Variants in WAC observed in about 807,000 individuals in gnomAD.
WAC encodes WW domain-containing adapter protein with coiled-coil.
Under a neutral mutation model 79.6 loss-of-function variants are expected in WAC, and 11 were observed. The ratio of observed to expected loss-of-function variants is 0.14; its 90% CI spans 0.09 to 0.23. WAC has a LOEUF of 0.23. Among genes scored for constraint, WAC ranks in the 10% least tolerant of loss-of-function variants. The pLI, the probability that WAC is intolerant of heterozygous loss-of-function variation, is 1.00. For missense variants in WAC, 728 were observed against 773.5 expected (o/e 0.94, Z 0.70); for synonymous variants, 304 against 276.9 (o/e 1.10, Z -0.97).
chr10:28,581,440 G>A (rs1443746986), intron 3 of WAC, among the ~76,000 whole-genome samples: 2 of 151,934 alleles, frequency 1.3e-5, no homozygotes, highest in East Asian at 3.9e-4. Context: ...CCCTCTGGAA[G>A]TCTAGATTCC....
At chr10:28,566,583 G>C (rs1213952536) in intron 3 of WAC, among the ~76,000 whole-genome samples, 1 of 152,154 alleles carries the variant, frequency 6.6e-6, no homozygotes, top group Non-Finnish European at 1.5e-5. Flanking sequence ...GTGTATTCGA[G>C]AATGTCTTCC....
chr10:28,560,141 A>C (rs1838222288), intron 3 of WAC, among the ~76,000 whole-genome samples: 1 of 152,174 alleles, frequency 6.6e-6, no homozygotes, highest in Non-Finnish European at 1.5e-5. Flanking sequence ...CAGGAGTTCG[A>C]GACCAGGCTA....
At chr10:28,603,953 GTATGTATGT>G (rs1840779650) in intron 7 of WAC, among the ~76,000 whole-genome samples, 1 of 3,810 alleles carries the variant, frequency 2.6e-4, no homozygotes, top group Non-Finnish European at 3.9e-4. Flanking sequence ...ATATATATAT[GTATGTATGT>G]ATATATATAT....
At chr10:28,544,176 C>A (rs1837224917) in intron 3 of WAC, among the ~76,000 whole-genome samples, 1 of 152,188 alleles carries the variant, frequency 6.6e-6, no homozygotes, top group Admixed American at 6.5e-5. Context: ...AGTCACTGAG[C>A]CCACTTCTTT....
At chr10:28,607,221 C>T (rs1841002963) in intron 7 of WAC, among the ~76,000 whole-genome samples, 1 of 152,138 alleles carries the variant, frequency 6.6e-6, no homozygotes, top group South Asian at 2.1e-4. Flanking sequence ...GGATACCTTT[C>T]TGTGTTTTCC....
At chr10:28,592,067 C>T (rs905623740) in intron 6 of WAC, among the ~76,000 whole-genome samples, 3 of 151,920 alleles carry the variant, frequency 2.0e-5, no homozygotes, top group Non-Finnish European at 4.4e-5. Context: ...CATACATCTG[C>T]AGGATTAAGT....
intron 3 of WAC, among the ~76,000 whole-genome samples, chr10:28,540,350 C>T (rs924095642): frequency 6.6e-6 from 1 of 152,142 alleles, no homozygotes; most frequent in African/African-American, 2.4e-5. Context: ...GTATTGAAAG[C>T]TTATTTGGTG....
At chr10:28,541,424 T>TTTTG (rs1837034877) in intron 3 of WAC, among the ~76,000 whole-genome samples, 1 of 136,948 alleles carries the variant, frequency 7.3e-6, no homozygotes, top group Non-Finnish European at 1.6e-5. Flanking sequence ...TGTTTTGTTT[T>TTTTG]TTTTTTTTTT....
At chr10:28,578,493 T>C (rs935421199) in intron 3 of WAC, among the ~76,000 whole-genome samples, 4 of 152,186 alleles carry the variant, frequency 2.6e-5, no homozygotes, top group African/African-American at 9.7e-5. Flanking sequence ...CTGAGTAGAC[T>C]GAAAACTGTT....
intron 3 of WAC, among the ~76,000 whole-genome samples, chr10:28,578,919 G>A (rs1045590367): frequency 1.1e-4 from 17 of 152,072 alleles, no homozygotes; most frequent in Admixed American, 9.2e-4. Flanking sequence ...AATTTGCCCT[G>A]GCTAAGCACT....
At position 28,533,512 on chromosome 10, in the gene WAC, T is replaced by A; in HGVS notation, c.-68T>A. 3.6e-6 allele frequency: 4 copies of A among 1,102,370 alleles called. No homozygotes were observed. The highest frequency in any genetic ancestry group is 4.6e-6 in the Non-Finnish European group (4 of 877,866). The allele number at this position is 1,102,370 out of a possible 1,614,324, so 68.3% of individuals were successfully genotyped here. Reference sequence around the variant, plus strand: ...CCCGCCGCCCGCCGCCGCCGCCGCCTGCGCGCCCGCCCGCCTTTCGCGGCC... The same window carrying A: ...CCCGCCGCCCGCCGCCGCCGCCGCCAGCGCGCCCGCCCGCCTTTCGCGGCC... On this transcript the variant is annotated 5_prime_UTR_variant, in exon 1 of 14. Transcript: ENST00000354911.
rs561421886 is a variant in WAC, at chr10:28,622,201, A to C, written c.*2595A>C. On this transcript the variant is annotated 3_prime_UTR_variant, in exon 14 of 14. Transcript: ENST00000354911. ...CAGTAGTGAATTTTTAAACACAGAA[A>C]ATCTAAAATTTTGTGGAAATATTTT... is the stretch of plus-strand genomic sequence containing the variant. 1 of 152,214 alleles carries C rather than the reference A, an allele frequency of 6.6e-6. No individual in the cohort carries two copies. Among genetic ancestry groups the C allele is most frequent in the East Asian group, 1.9e-4 (1 of 5,176 alleles). The allele number at this position is 152,214 out of a possible 1,614,324, so 9.4% of individuals were successfully genotyped here. A position where few individuals can be genotyped will look rare whatever the true frequency, so the allele number is the denominator to read the frequency against.
intron 6 of WAC, 27 bp downstream of exon 6, chr10:28,590,859 A>T: frequency 6.5e-7 from 1 of 1,539,776 alleles, no homozygotes; most frequent in Non-Finnish European, 8.9e-7. Flanking sequence ...TTTCTTTGAA[A>T]TGTATGTTTG....
At chr10:28,615,736 C>G (rs1482900943) in intron 11 of WAC, 1 of 154,542 alleles carries the variant, frequency 6.5e-6, no homozygotes. Context: ...AATAAAATGT[C>G]TGTATTTTGC....
intron 3 of WAC, among the ~76,000 whole-genome samples, chr10:28,557,299 C>G (rs1206577155): frequency 1.3e-5 from 2 of 152,008 alleles, no homozygotes; most frequent in Non-Finnish European, 2.9e-5. Flanking sequence ...CTTATTGAAG[C>G]AATGTGATAA....
At chr10:28,596,351 C>T (rs1413182413) in intron 7 of WAC, among the ~76,000 whole-genome samples, 2 of 152,132 alleles carry the variant, frequency 1.3e-5, no homozygotes, top group Non-Finnish European at 2.9e-5. Context: ...TTTTTGTGAT[C>T]ATTGTCTTGA....
At chr10:28,605,625 G>C (rs569364598) in intron 7 of WAC, among the ~76,000 whole-genome samples, 1 of 152,160 alleles carries the variant, frequency 6.6e-6, no homozygotes, top group East Asian at 1.9e-4. Flanking sequence ...AATTAAGGAT[G>C]TTTTTGTTAT....
chr10:28,567,168 T>C (rs1427714080), intron 3 of WAC, among the ~76,000 whole-genome samples: 2 of 151,994 alleles, frequency 1.3e-5, no homozygotes, highest in Non-Finnish European at 2.9e-5. Context: ...TTCCTTAAGT[T>C]CCTCTAAATT....
intron 3 of WAC, among the ~76,000 whole-genome samples, chr10:28,563,650 G>A (rs1029018517): frequency 6.6e-6 from 1 of 150,378 alleles, no homozygotes; most frequent in African/African-American, 2.4e-5. Context: ...CGCGATCTCC[G>A]CTCACTGCAG....
Sources: allele counts gnomAD v4.1 joint callset (sites outside exome capture counted in the v4.1 genomes callset), GRCh38; gene constraint gnomAD v4.1.1; transcripts MANE v1.5; gene names NCBI Gene and HGNC (gene_info 2026-07-23, HGNC 2026-07-21).